Variants in GLRB observed in about 807,000 individuals in gnomAD.
GLRB encodes glycine receptor beta, also known as glycine receptor subunit beta.
In GLRB, 33 loss-of-function variants were observed where a neutral mutation model predicts 54.2. The ratio of observed to expected loss-of-function variants is 0.61; its 90% CI spans 0.46 to 0.81. GLRB has a LOEUF of 0.81. GLRB is among the 40% of genes least tolerant of loss of function. GLRB has a pLI of 0.00. For missense variants in GLRB, 572 were observed against 584.6 expected (o/e 0.98, Z 0.22); for synonymous variants, 209 against 208.2 (o/e 1.00, Z -0.03).
chr4:157,162,024 T>A (rs1737516018), intron 9 of GLRB, among the ~76,000 whole-genome samples: 1 of 152,230 alleles, frequency 6.6e-6, no homozygotes, highest in East Asian at 1.9e-4. Flanking sequence ...GAGGCTTTGT[T>A]CATTTGTTTT....
In GLRB at chr4:157,132,812, C is replaced by T. The variant is rs1011438652; in HGVS notation, c.298-3657C>T. On this transcript the variant is annotated intron_variant, in intron 4 of 9. Transcript: ENST00000264428. Reference sequence around the variant, plus strand: ...CCGGCAAAATCAATTTTTAAATAAGCCTCTTTAATCACTGAATTTAATCTG... The same window carrying T: ...CCGGCAAAATCAATTTTTAAATAAGTCTCTTTAATCACTGAATTTAATCTG... Among the ~76,000 whole-genome samples, 9 of 151,974 alleles carry T rather than the reference C, an allele frequency of 5.9e-5. No individual in the cohort carries two copies. The South Asian group carries it at 1.9e-3, about 31-fold the overall frequency.
intron 9 of GLRB, among the ~76,000 whole-genome samples, chr4:157,162,150 C>T (rs764781165): frequency 1.8e-4 from 27 of 152,300 alleles, no homozygotes; most frequent in East Asian, 1.4e-3. Flanking sequence ...GAATGCATCA[C>T]GTAGTTCTCG....
At chr4:157,091,711 G>A (rs779484009) in intron 2 of GLRB, among the ~76,000 whole-genome samples, 16 of 152,066 alleles carry the variant, frequency 1.1e-4, no homozygotes, top group Non-Finnish European at 2.2e-4. Context: ...CACTTACTTC[G>A]TTGCTTGTGA....
chr4:157,098,200 A>G (rs1449160396), intron 2 of GLRB, among the ~76,000 whole-genome samples: 1 of 152,148 alleles, frequency 6.6e-6, no homozygotes, highest in Non-Finnish European at 1.5e-5. Flanking sequence ...TCAATATCAT[A>G]TCTGTGAGAT....
intron 2 of GLRB, among the ~76,000 whole-genome samples, chr4:157,090,405 G>A (rs572628765): frequency 3.9e-5 from 6 of 152,196 alleles, no homozygotes; most frequent in Non-Finnish European, 5.9e-5. Flanking sequence ...GAAGACAGCA[G>A]GATTCTCTTA....
chr4:157,161,691 A>G (rs1188643271), intron 9 of GLRB, among the ~76,000 whole-genome samples: 2 of 152,202 alleles, frequency 1.3e-5, no homozygotes, highest in Non-Finnish European at 2.9e-5. Flanking sequence ...AGTTTCTGCC[A>G]AGAGATCCGC....
At chr4:157,119,006 A>C (rs1174275700) in intron 2 of GLRB, among the ~76,000 whole-genome samples, 1 of 151,564 alleles carries the variant, frequency 6.6e-6, no homozygotes, top group Non-Finnish European at 1.5e-5. Flanking sequence ...AAACTCAAAC[A>C]AAAACAACAA....
chr4:157,111,829 GA>G, intron 2 of GLRB, among the ~76,000 whole-genome samples: 1 of 151,738 alleles, frequency 6.6e-6, no homozygotes, highest in Admixed American at 6.6e-5. Flanking sequence ...TTTCTCAACT[GA>G]AAAAAAGTTC....
At chr4:157,152,594 G>C (rs773851326) in intron 8 of GLRB, 124 bp from the exon 9 acceptor site, 4 of 794,860 alleles carry the variant, frequency 5.0e-6, no homozygotes, top group African/African-American at 1.7e-5. Flanking sequence ...AGCTTTAAGG[G>C]GACCTGACAA....
intron 7 of GLRB, among the ~76,000 whole-genome samples, chr4:157,140,332 T>C (rs1736561179): frequency 6.6e-6 from 1 of 151,944 alleles, no homozygotes; most frequent in Non-Finnish European, 1.5e-5. Flanking sequence ...GCAGAGTGAA[T>C]ACATTACTTA....
In GLRB at chr4:157,171,542, T is replaced by C. The variant is rs1393931905; in HGVS notation, c.*814T>C. The C allele has an allele frequency of 1.3e-5, 2 of 152,348 alleles. No homozygotes were observed. Among genetic ancestry groups the C allele is most frequent in the South Asian group, 2.1e-4 (1 of 4,834 alleles). The allele number at this position is 152,348 out of a possible 1,614,324, so 9.4% of individuals were successfully genotyped here. A position where few individuals can be genotyped will look rare whatever the true frequency, so the allele number is the denominator to read the frequency against. On this transcript the variant is annotated 3_prime_UTR_variant, in exon 10 of 10. Transcript: ENST00000264428. ...AAACATTGTGCCTTAAAATGAGTCATACATCTTTTAAATTGGAATGCAGTA... is the reference window on the plus strand; with the variant it reads ...AAACATTGTGCCTTAAAATGAGTCACACATCTTTTAAATTGGAATGCAGTA...
Position 157,170,602 on chromosome 4 carries a change from C to T in GLRB, c.1368C>T (p.Asn456=), listed in dbSNP as rs747170836. 1.2e-6 allele frequency: 2 copies of T among 1,612,996 alleles called. No individual in the cohort carries two copies. The highest frequency in any genetic ancestry group is 1.7e-6 in the Non-Finnish European group (2 of 1,179,120). ...TTGGGAAATCTCAGGCTAAGAACAA[C>T]AAGAAGCCTCCCCCTGCGAAACCTG... The part of the protein sequence containing the change: ...NGLGKSQAKN[N]KKPPPAKPVI... Residue 456 remains asparagine, a synonymous_variant, in exon 10 of 10, where the codon AAC becomes AAT. Coordinates refer to ENST00000264428, the MANE Select transcript of GLRB (RefSeq NM_000824.5).
intron 4 of GLRB, among the ~76,000 whole-genome samples, chr4:157,123,196 G>A (rs1316229594): frequency 6.6e-6 from 1 of 151,668 alleles, no homozygotes; most frequent in Non-Finnish European, 1.5e-5. Context: ...GAAGAAAGAA[G>A]ACCTAAGATT....
chr4:157,105,032 T>A (rs1396083337), intron 2 of GLRB, among the ~76,000 whole-genome samples: 1 of 151,732 alleles, frequency 6.6e-6, no homozygotes, highest in South Asian at 2.1e-4. Flanking sequence ...TAAATTACTA[T>A]TATTTCTTTT....
intron 2 of GLRB, among the ~76,000 whole-genome samples, chr4:157,099,130 T>C (rs1033690718): frequency 6.6e-6 from 1 of 152,068 alleles, no homozygotes; most frequent in African/African-American, 2.4e-5. Flanking sequence ...TCTGGTCTTA[T>C]CATAGGCAAG....
chr4:157,098,960 CAG>C (rs1734917378), intron 2 of GLRB, among the ~76,000 whole-genome samples: 1 of 152,018 alleles, frequency 6.6e-6, no homozygotes, highest in Non-Finnish European at 1.5e-5. Context: ...TGCTTAACCT[CAG>C]GGGCAGGAGA....
At chr4:157,157,792 A>G (rs985374482) in intron 9 of GLRB, among the ~76,000 whole-genome samples, 2 of 152,216 alleles carry the variant, frequency 1.3e-5, no homozygotes, top group Admixed American at 6.5e-5. Flanking sequence ...TAGTGCCGCA[A>G]TAAACATATG....
rs1241443645 is a variant in GLRB at position 157,136,657 on chromosome 4, C to T, written c.486C>T (p.Leu162=). ...NFHDVTQENI[L]LFIFRDGDVL... is the part of the protein sequence containing the mutation. ...ATGATGTGACCCAGGAAAACATCCT[C>T]CTCTTTATTTTTCGTGATGGAGATG... The change falls in exon 5 of 10, where the codon CTC becomes CTT. Residue 162 remains leucine, a synonymous_variant. Transcript: ENST00000264428. The T allele has an allele frequency of 1.2e-6, 2 of 1,612,464 alleles. No individual in the cohort carries two copies. Among genetic ancestry groups the T allele is most frequent in the South Asian group, 1.1e-5 (1 of 91,038 alleles).
At chr4:157,098,260 T>C (rs955017890) in intron 2 of GLRB, among the ~76,000 whole-genome samples, 9 of 152,220 alleles carry the variant, frequency 5.9e-5, no homozygotes, top group African/African-American at 2.2e-4. Flanking sequence ...TTCATTGCTG[T>C]GTACTATTTA....
Sources: gnomAD v4.1 joint callset for allele counts (sites outside exome capture counted in the v4.1 genomes callset) on GRCh38, gnomAD v4.1.1 for gene constraint, MANE v1.5 for transcripts, NCBI Gene and HGNC (gene_info 2026-07-23, HGNC 2026-07-21) for gene names.